SLC6A19: variants seen among roughly 807,000 people sequenced by gnomAD.
SLC6A19 encodes sodium-dependent neutral amino acid transporter B(0)AT1.
Under a neutral mutation model 68.3 loss-of-function variants are expected in SLC6A19, and 67 were observed. That is an observed-to-expected ratio of 0.98 (90% CI 0.81 to 1.20). The LOEUF is 1.20. Ranked by LOEUF, SLC6A19 falls within the 50% of genes most tolerant of loss-of-function variation. The pLI, the probability that SLC6A19 is intolerant of heterozygous loss-of-function variation, is 0.00. For missense variants in SLC6A19, 813 were observed against 851.6 expected, an observed-to-expected ratio of 0.95 and a Z score of 0.56; for synonymous variants, 392 against 374.9, an observed-to-expected ratio of 1.05 and a Z score of -0.53.
chr5:1,205,142 A>ACT (rs1745818420), intron 1 of SLC6A19, among the ~76,000 whole-genome samples: 1 of 152,162 alleles, frequency 6.6e-6, no homozygotes, highest in Non-Finnish European at 1.5e-5. Flanking sequence ...CCTGGTTTCC[A>ACT]GGGACCTTTG....
Position 1,213,552 on chromosome 5 carries a change from C to A in SLC6A19, c.753C>A (p.Ile251=). The part of the protein sequence containing the change: ...GLTLKGATNG[I]VFLFTPNVTE... ...CGCTGAAGGGCGCCACCAATGGCAT[C>A]GTCTTCCTCTTCACGCCCAACGTAA... The change falls in exon 5 of 12, where the codon ATC becomes ATA. Residue 251 remains isoleucine (I), a synonymous_variant. Transcript: ENST00000304460. 1 of 1,611,752 alleles carries A rather than the reference C, an allele frequency of 6.2e-7. No homozygotes were observed. Among genetic ancestry groups the A allele is most frequent in the South Asian group, 1.1e-5 (1 of 90,972 alleles).
rs760755547 is a variant in SLC6A19, at chr5:1,210,590, T to G, written c.481+9T>G. 6 of 1,612,122 alleles carry G rather than the reference T, an allele frequency of 3.7e-6. No individual in the cohort carries two copies. Among genetic ancestry groups the G allele is most frequent in the South Asian group, 2.2e-5 (2 of 91,080 alleles). ...CAACGAGAACCAGACAGGTGAGTCC[T>G]TGCAAGCAGCCCCATCCGTCTCACC... On this transcript the variant is annotated intron_variant, in intron 3 of 11. Coordinates refer to ENST00000304460, the MANE Select transcript of SLC6A19 (RefSeq NM_001003841.3).
At position 1,222,947 on chromosome 5, in the gene SLC6A19, G is replaced by T. The variant is rs10060827; in HGVS notation, c.*1043G>T. ...GGGTGGCAGGAGACAAAAGCACAGGGTACTATCTTGGCTCCTGGGAGCGAC... is the reference window on the plus strand; with the variant it reads ...GGGTGGCAGGAGACAAAAGCACAGGTTACTATCTTGGCTCCTGGGAGCGAC... On this transcript the variant is annotated 3_prime_UTR_variant, in exon 12 of 12. Coordinates refer to ENST00000304460, the MANE Select transcript of SLC6A19 (RefSeq NM_001003841.3). The T allele has an allele frequency of 0.29, 43,876 of 152,180 alleles. 6,454 individuals carry two copies. The highest frequency in any genetic ancestry group is 0.34 in the East Asian group (1,759 of 5,176). The allele number at this position is 152,180 out of a possible 1,614,324, so 9.4% of individuals were successfully genotyped here.
intron 10 of SLC6A19, among the ~76,000 whole-genome samples, chr5:1,220,103 C>T (rs185022792): frequency 3.9e-4 from 60 of 152,132 alleles, no homozygotes; most frequent in African/African-American, 1.4e-3. Flanking sequence ...TTGGAGCCAC[C>T]ACAACTTTAG....
At chr5:1,204,137 A>G (rs965024086) in intron 1 of SLC6A19, among the ~76,000 whole-genome samples, 3 of 152,216 alleles carry the variant, frequency 2.0e-5, no homozygotes, top group African/African-American at 7.2e-5. Context: ...ATCGAGGGGA[A>G]GCAGGCAGCC....
intron 4 of SLC6A19, among the ~76,000 whole-genome samples, chr5:1,213,095 C>T (rs558453588): frequency 7.2e-6 from 1 of 139,454 alleles, no homozygotes; most frequent in Non-Finnish European, 1.6e-5. Flanking sequence ...CCCACATGCT[C>T]GGCCCCCCGT....
At chr5:1,208,158 A>G (rs1417248282) in intron 1 of SLC6A19, among the ~76,000 whole-genome samples, 1 of 152,152 alleles carries the variant, frequency 6.6e-6, no homozygotes, top group Non-Finnish European at 1.5e-5. Flanking sequence ...CATCTTTAGA[A>G]CTCTGTCTTA....
rs1246172861 is a variant in SLC6A19 at position 1,212,216 on chromosome 5, G to A, written c.482-87G>A. 34 of 1,550,614 alleles carry A rather than the reference G, an allele frequency of 2.2e-5. No individual in the cohort carries two copies. The East Asian group carries it at 7.4e-4, about 34-fold the overall frequency. On this transcript the variant is annotated intron_variant, in intron 3 of 11. Transcript: ENST00000304460. This position sits in a 1 kb window ranked among gnomAD's most constrained non-coding sequence, Gnocchi z 5.1. The stretch of plus-strand genomic sequence containing the variant: ...ACTGGTGTCAAGGCCTCTGGAACGT[G>A]GCTGGCATTTCTTCCAGCTCAGGGC...
chr5:1,216,888 C>T lies in SLC6A19; in HGVS notation c.1116C>T (p.Pro372=), dbSNP rs149388719. ...DMQQRCNASD[P]AAYAQLVFQT... ...AGCAGCGGTGCAACGCCTCCGACCC[C>T]GCGGCCTACGCGCAGCTGGTGTTCC... Residue 372 remains proline (P), a synonymous_variant, in exon 8 of 12, where the codon CCC becomes CCT. Transcript: ENST00000304460. 2.1e-5 allele frequency: 34 copies of T among 1,613,532 alleles called. No homozygotes were observed. The highest frequency in any genetic ancestry group is 1.8e-4 in the East Asian group (8 of 44,904).
chr5:1,219,442 C>T, intron 9 of SLC6A19, 63 bp from the exon 10 acceptor site: 1 of 1,597,432 alleles, frequency 6.3e-7, no homozygotes, highest in Non-Finnish European at 8.5e-7. Flanking sequence ...GTGTGAACAG[C>T]TCTGTCCCTG....
rs950555776 is a variant in SLC6A19 at position 1,223,349 on chromosome 5, A to G, written c.*1445A>G. On this transcript the variant is annotated 3_prime_UTR_variant, in exon 12 of 12. Transcript: ENST00000304460. ...CCAGCCTTTGGAAAAGATGGGTTAC[A>G]GGGTAACTCAACCCTGGCTGCCATC... is the stretch of plus-strand genomic sequence containing the variant. 2.6e-4 allele frequency: 40 copies of G among 152,294 alleles called. No homozygotes were observed. Among genetic ancestry groups the G allele is most frequent in the African/African-American group, 8.4e-4 (35 of 41,474 alleles). The allele number at this position is 152,294 out of a possible 1,614,324, so 9.4% of individuals were successfully genotyped here.
rs758492838 is a variant in SLC6A19 at position 1,213,518 on chromosome 5, G to A, written c.719G>A (p.Arg240Gln). The A allele has an allele frequency of 4.5e-5, 72 of 1,606,466 alleles. No individual in the cohort carries two copies. In the Middle Eastern group the frequency reaches 5.0e-4, roughly 11 times the overall value. ...GTCGTCCTGACCATCTTCCTCATCCGAGGCCTGACGCTGAAGGGCGCCACC... is the reference window on the plus strand; with the variant it reads ...GTCGTCCTGACCATCTTCCTCATCCAAGGCCTGACGCTGAAGGGCGCCACC... ...PYVVLTIFLIRGLTLKGATNG... is the reference protein window; with the variant it reads ...PYVVLTIFLIQGLTLKGATNG... The change falls in exon 5 of 12, where the codon CGA (arginine) becomes CAA (glutamine). Residue 240 changes from arginine to glutamine, a missense_variant. By Grantham distance (43) the Arg-to-Gln change is conservative. Coordinates refer to ENST00000304460, the MANE Select transcript of SLC6A19 (RefSeq NM_001003841.3).
chr5:1,208,604 G>A lies in SLC6A19; in HGVS notation c.203-142G>A, dbSNP rs1211249796. The A allele has an allele frequency of 2.1e-5, 23 of 1,109,946 alleles. No individual in the cohort carries two copies. In the East Asian group the frequency reaches 5.2e-4, roughly 25 times the overall value. The allele number at this position is 1,109,946 out of a possible 1,614,324, so 68.8% of individuals were successfully genotyped here. ...AGCTCTGGCCCTGATCCCATGGACT[G>A]GCTGCTCCATCTCAGCTCTGTTCCC... On this transcript the variant is annotated intron_variant, in intron 1 of 11. Transcript: ENST00000304460.
Position 1,222,385 on chromosome 5 carries a change from G to A in SLC6A19, c.*481G>A, listed in dbSNP as rs1746414348. 3 of 462,004 alleles carry A rather than the reference G, an allele frequency of 6.5e-6. No homozygotes were observed. Among genetic ancestry groups the A allele is most frequent in the Non-Finnish European group, 1.1e-5 (3 of 264,354 alleles). The allele number at this position is 462,004 out of a possible 1,614,324, so 28.6% of individuals were successfully genotyped here. On this transcript the variant is annotated 3_prime_UTR_variant, in exon 12 of 12. Transcript: ENST00000304460. ...GTGCTCGTACAATGGGTGTCCACAT[G>A]CACGTGTATATGTATATCTGTGAGT...
Position 1,210,526 on chromosome 5 carries a change from C to A in SLC6A19, c.426C>A (p.Asn142Lys). Residue 142 changes from asparagine (N) to lysine (K), a missense_variant, in exon 3 of 12, where the codon AAC (asparagine) becomes AAA (lysine). Transcript: ENST00000304460. ...CCTGGATCATGTGGTACTTATTCAA[C>A]TCCTTCCAGGAGCCTCTGCCCTGGA... Reference protein sequence around the residue: ...IISWIMWYLFNSFQEPLPWSD... With the variant: ...IISWIMWYLFKSFQEPLPWSD... The A allele has an allele frequency of 6.2e-7, 1 of 1,613,478 alleles. No individual in the cohort carries two copies. The highest frequency in any genetic ancestry group is 2.2e-5 in the East Asian group (1 of 44,878).
rs1166769037 is a variant in SLC6A19 at position 1,212,309 on chromosome 5, T to G, written c.488T>G (p.Val163Gly). Residue 163 changes from valine to glycine, a missense_variant, in exon 4 of 12, where the codon GTG (valine) becomes GGG (glycine). Transcript: ENST00000304460. This position sits in a 1 kb window ranked among gnomAD's most constrained non-coding sequence, Gnocchi z 5.1. ...TGAATGGCCCTCTCCCCAGGGTATG[T>G]GGACGAGTGCGCCAGGAGCTCCCCT... is the stretch of plus-strand genomic sequence containing the variant. ...CPLNENQTGYVDECARSSPVD... is the reference protein window; with the variant it reads ...CPLNENQTGYGDECARSSPVD... The G allele has an allele frequency of 2.5e-6, 4 of 1,613,434 alleles. No homozygotes were observed. In the South Asian group the frequency reaches 4.4e-5, roughly 18 times the overall value.
chr5:1,216,989 G>C, intron 8 of SLC6A19, 44 bp downstream of exon 8: 1 of 1,610,402 alleles, frequency 6.2e-7, no homozygotes, highest in Non-Finnish European at 8.5e-7. Flanking sequence ...GGCACCCCTT[G>C]CTGGCACCTC....
chr5:1,202,169 C>T lies in SLC6A19; in HGVS notation c.202+317C>T, dbSNP rs188417936. Among the ~76,000 whole-genome samples, 191 of 152,340 alleles carry T rather than the reference C, an allele frequency of 1.3e-3. No individual in the cohort carries two copies. In the Middle Eastern group the frequency reaches 0.021, roughly 16 times the overall value. On this transcript the variant is annotated intron_variant, in intron 1 of 11. Transcript: ENST00000304460. ...GGGGCCGGGGGAAGGGTGTTTCTCC[C>T]GGTACAGCCCCTCCTCGGAGGACGC...
At chr5:1,208,909 A>C (rs369767035) in intron 2 of SLC6A19, 23 bp downstream of exon 2, 1 of 1,598,984 alleles carries the variant, frequency 6.3e-7, no homozygotes, top group Non-Finnish European at 8.5e-7. Context: ...GAGCAGTTCC[A>C]CCCGGGCCCA....
Sources: gnomAD v4.1 joint callset for allele counts (sites outside exome capture counted in the v4.1 genomes callset) on GRCh38, gnomAD v4.1.1 for gene constraint, Gnocchi (gnomAD v3.1) non-coding constraint, MANE v1.5 for transcripts, NCBI Gene and HGNC (gene_info 2026-07-23, HGNC 2026-07-21) for gene names.